The following MEP1A variants were observed in gnomAD, a reference collection of about 807,000 sequenced individuals.
The protein encoded by MEP1A is meprin A subunit alpha.
In MEP1A, 68 loss-of-function variants were observed where a neutral mutation model predicts 84.5. The observed-to-expected ratio is 0.80, with a 90% CI of 0.66 to 0.98. The LOEUF is 0.98. MEP1A is among the 50% of genes least tolerant of loss of function. MEP1A has a pLI of 0.00. For synonymous variants in MEP1A, 337 were observed against 336.8 expected (o/e 1.00, Z -0.01); for missense variants, 887 against 919.9 (o/e 0.96, Z 0.46).
chr6:46,803,420 T>A (rs1183125024), intron 5 of MEP1A, among the ~76,000 whole-genome samples: 9 of 151,654 alleles, frequency 5.9e-5, no homozygotes, highest in Non-Finnish European at 1.3e-4. Flanking sequence ...GTCTGTAGAA[T>A]CTTTAGTGAT....
chr6:46,812,203 G>A (rs1767519893), intron 6 of MEP1A, among the ~76,000 whole-genome samples: 1 of 151,938 alleles, frequency 6.6e-6, no homozygotes, highest in Non-Finnish European at 1.5e-5. Context: ...ATCTAGGAGG[G>A]TTGTATATTT....
intron 5 of MEP1A, among the ~76,000 whole-genome samples, chr6:46,799,518 T>C (rs1767145545): frequency 6.6e-6 from 1 of 152,234 alleles, no homozygotes; most frequent in African/African-American, 2.4e-5. Flanking sequence ...AATCTAAATG[T>C]AGTGTGAGGA....
downstream of MEP1A, among the ~76,000 whole-genome samples, chr6:46,841,778 C>T (rs376663660): frequency 6.6e-6 from 1 of 152,142 alleles, no homozygotes; most frequent in East Asian, 1.9e-4. Flanking sequence ...TATCTGGAGC[C>T]TCTGATAATT....
intron 4 of MEP1A, 105 bp downstream of exon 4, chr6:46,798,751 T>A (rs1030888978): frequency 7.4e-6 from 7 of 945,546 alleles, no homozygotes; most frequent in Middle Eastern, 4.2e-4. Context: ...GTGAAGGAGA[T>A]GAGAGAAATC....
intron 10 of MEP1A, 116 bp downstream of exon 10, chr6:46,829,687 T>A: frequency 1.4e-6 from 1 of 735,084 alleles, no homozygotes; most frequent in Non-Finnish European, 2.4e-6. Flanking sequence ...CTCCTTTTCC[T>A]CCACCCACTT....
chr6:46,817,147 A>G (rs758467034), intron 6 of MEP1A, among the ~76,000 whole-genome samples: 4 of 152,190 alleles, frequency 2.6e-5, no homozygotes, highest in Non-Finnish European at 5.9e-5. Context: ...TCTGTGAAAA[A>G]GTGTATTTAT....
chr6:46,841,665 C>G (rs1768332842), downstream of MEP1A, among the ~76,000 whole-genome samples: 1 of 152,178 alleles, frequency 6.6e-6, no homozygotes, highest in Non-Finnish European at 1.5e-5. Flanking sequence ...ATGTCTCATG[C>G]TTCCCCCACC....
chr6:46,824,336 T>C (rs1298725957), intron 7 of MEP1A, among the ~76,000 whole-genome samples: 2 of 150,882 alleles, frequency 1.3e-5, no homozygotes, highest in South Asian at 4.2e-4. Flanking sequence ...GTACATGTAT[T>C]TAGTCATTTC....
chr6:46,809,175 T>C (rs1192275008), intron 5 of MEP1A, among the ~76,000 whole-genome samples: 1 of 152,108 alleles, frequency 6.6e-6, no homozygotes, highest in Non-Finnish European at 1.5e-5. Flanking sequence ...TATATTCTTA[T>C]TTTGTAGACA....
downstream of MEP1A, among the ~76,000 whole-genome samples, chr6:46,842,464 T>G (rs180958185): frequency 6.6e-6 from 1 of 152,242 alleles, no homozygotes; most frequent in Admixed American, 6.5e-5. Flanking sequence ...GTGTCTGTCT[T>G]ATGCAGTTGA....
Position 46,793,447 on chromosome 6 carries a change from G to A in MEP1A, c.49G>A (p.Ala17Thr). The A allele has an allele frequency of 1.9e-6, 3 of 1,604,658 alleles. No individual in the cohort carries two copies. The South Asian group carries it at 3.4e-5, about 18-fold the overall frequency. ...TCILFFTLLF[A>T]HIAAVPIKYL... ...CATTCTCTTTTTTACCTTGCTTTTT[G>A]CCCACATAGCAGCTGTACCGGTAAG... Residue 17 changes from alanine (A) to threonine (T), a missense_variant, in exon 1 of 14, where the codon GCC (alanine) becomes ACC (threonine). Physicochemically the swap from Ala to Thr is moderately conservative, Grantham distance 58 (BLOSUM62 0). Coordinates refer to ENST00000230588, the MANE Select transcript of MEP1A (RefSeq NM_005588.3).
chr6:46,812,641 C>T (rs1767533322), intron 6 of MEP1A, among the ~76,000 whole-genome samples: 1 of 151,934 alleles, frequency 6.6e-6, no homozygotes, highest in African/African-American at 2.4e-5. Context: ...TTTGCTATAT[C>T]CCAGAGGTTT....
intron 13 of MEP1A, among the ~76,000 whole-genome samples, chr6:46,837,511 G>A (rs1030932535): frequency 6.6e-6 from 1 of 152,156 alleles, no homozygotes; most frequent in Non-Finnish European, 1.5e-5. Flanking sequence ...TACTGGGGAA[G>A]GCCCATCTGT....
downstream of MEP1A, among the ~76,000 whole-genome samples, chr6:46,841,929 C>T (rs9369643): frequency 0.27 from 41,264 of 152,046 alleles, 5,851 homozygotes; most frequent in East Asian, 0.38. Flanking sequence ...CAGCTGGAGC[C>T]GCAGCAGAAG....
chr6:46,845,030 C>T, the MEP1A span, among the ~76,000 whole-genome samples: 2 of 152,164 alleles, frequency 1.3e-5, no homozygotes, highest in African/African-American at 4.8e-5. Flanking sequence ...GCCTTGCTTC[C>T]CCTTTGCCTT....
chr6:46,831,519 TAGGGC>T (rs1768074856), intron 10 of MEP1A, among the ~76,000 whole-genome samples: 1 of 152,222 alleles, frequency 6.6e-6, no homozygotes, highest in Non-Finnish European at 1.5e-5. Flanking sequence ...CTGACTGATT[TAGGGC>T]AGCCCTGTGG....
chr6:46,817,504 C>T (rs1688826137), intron 6 of MEP1A, among the ~76,000 whole-genome samples: 6 of 152,252 alleles, frequency 3.9e-5, no homozygotes, highest in Middle Eastern at 3.4e-3. Flanking sequence ...GCATTTTGTC[C>T]CTTGGCAATC....
intron 5 of MEP1A, among the ~76,000 whole-genome samples, chr6:46,807,828 A>AAAGAAAGAAAGAAAGAAAGG (rs1767398881): frequency 7.1e-6 from 1 of 140,316 alleles, no homozygotes; most frequent in African/African-American, 2.6e-5. Context: ...AGAAAGAAAG[A>AAAGAAAGAAAGAAAGAAAGG]AAGAAAGAAA....
chr6:46,820,441 A>C (rs1648488582), intron 7 of MEP1A, among the ~76,000 whole-genome samples: 1 of 152,156 alleles, frequency 6.6e-6, no homozygotes, highest in Admixed American at 6.6e-5. Context: ...CCCAGGCTGG[A>C]GTGCAATGGT....
Sources: gnomAD v4.1 joint callset for allele counts (sites outside exome capture counted in the v4.1 genomes callset) on GRCh38, gnomAD v4.1.1 for gene constraint, MANE v1.5 for transcripts, NCBI Gene and HGNC (gene_info 2026-07-23, HGNC 2026-07-21) for gene names.